Variants in NELFE observed in about 807,000 individuals in gnomAD.
NELFE encodes negative elongation factor E.
Under a neutral mutation model 55.5 loss-of-function variants are expected in NELFE, and 26 were observed. That is an observed-to-expected ratio of 0.47 (90% CI 0.34 to 0.65). The LOEUF (loss-of-function observed/expected upper bound fraction) is 0.65. Ranked by LOEUF, NELFE falls within the 30% of genes least tolerant of loss-of-function variation. The pLI is 0.01. For synonymous variants in NELFE, 162 were observed against 178.0 expected (o/e 0.91, Z 0.72); for missense variants, 403 against 506.9 (o/e 0.80, Z 1.97).
chr6:31,957,549 C>G (rs1772164666), intron 2 of NELFE: 7 of 438,546 alleles, frequency 1.6e-5, no homozygotes, highest in South Asian at 1.1e-4. Flanking sequence ...TAGGCCCTCT[C>G]CCGTATCTCT....
chr6:31,957,253 C>T, intron 2 of NELFE: 2 of 609,658 alleles, frequency 3.3e-6, no homozygotes, highest in South Asian at 3.8e-5. Context: ...AAGTTGAAGA[C>T]AAATAACTCA....
At chr6:31,957,131 A>ACT in intron 2 of NELFE, 121 bp from the exon 3 acceptor site, 4 of 839,190 alleles carry the variant, frequency 4.8e-6, no homozygotes, top group Non-Finnish European at 5.7e-6. Context: ...AGAGTGGTAC[A>ACT]CTGATGTGCT....
At chr6:31,958,627 A>T (rs1418713025) in intron 1 of NELFE, 173 bp from the exon 2 acceptor site, 1 of 707,348 alleles carries the variant, frequency 1.4e-6, no homozygotes, top group Admixed American at 2.0e-5. Flanking sequence ...GGTCGGGATC[A>T]TCCAGCATTC....
intron 2 of NELFE, among the ~76,000 whole-genome samples, chr6:31,957,717 G>A (rs1455241521): frequency 6.6e-6 from 1 of 152,138 alleles, no homozygotes; most frequent in Non-Finnish European, 1.5e-5. Flanking sequence ...CTTTTTTATA[G>A]ACAATGTGAA....
chr6:31,955,765 G>T (rs1582153255), intron 4 of NELFE, among the ~76,000 whole-genome samples: 1 of 147,632 alleles, frequency 6.8e-6, no homozygotes, highest in African/African-American at 2.6e-5. Context: ...ACCTGCCATT[G>T]TGGCTTGTTT....
In NELFE at chr6:31,954,531, T is replaced by G. The variant is rs1562639289; in HGVS notation, c.742+24A>C. 1 of 1,593,122 alleles carries G rather than the reference T, an allele frequency of 6.3e-7. No homozygotes were observed. The highest frequency in any genetic ancestry group is 1.7e-5 in the Admixed American group (1 of 59,160). On this transcript the variant is annotated intron_variant, in intron 7 of 10. Coordinates refer to ENST00000375429, the MANE Select transcript of NELFE (RefSeq NM_002904.6). This position sits in a 1 kb window ranked among gnomAD's most constrained non-coding sequence, Gnocchi z 5.5. ...ACATAAACCTCAGTTAAGGTCACCT[T>G]GACCTCCAGCCAAAATCACTCACTG...
Position 31,958,887 on chromosome 6 carries a change from C to A in NELFE, c.-9+5G>T. ...GGCCGAAGAGTGAGAAGCAGAGGGC[C>A]TTACCCGAGGGGGCGGCAACCGGGG... On this transcript the variant is annotated splice_donor_5th_base_variant and intron_variant, in intron 1 of 10. Coordinates refer to ENST00000375429, the MANE Select transcript of NELFE (RefSeq NM_002904.6). 1.3e-5 allele frequency: 8 copies of A among 596,800 alleles called. No homozygotes were observed. 37.0% of individuals were successfully genotyped at this position (596,800 alleles called of 1,614,324 possible). A position where few individuals can be genotyped will look rare whatever the true frequency, so the allele number is the denominator to read the frequency against.
At chr6:31,953,946 T>C in intron 9 of NELFE, 115 bp from the exon 10 acceptor site, 1 of 1,328,946 alleles carries the variant, frequency 7.5e-7, no homozygotes, top group Non-Finnish European at 1.1e-6. Flanking sequence ...TCTGAGAATG[T>C]GAGTTTTTCT....
intron 2 of NELFE, 137 bp downstream of exon 2, chr6:31,958,235 C>G (rs1439228520): frequency 5.1e-6 from 4 of 780,420 alleles, no homozygotes; most frequent in Non-Finnish European, 9.0e-6. Context: ...AAGCCCACCT[C>G]TCGAAGCTAC....
Position 31,954,936 on chromosome 6 carries a change from T to TC in NELFE, c.405-45dup. 6.3e-7 allele frequency: 1 copy of TC among 1,590,178 alleles called. No individual in the cohort carries two copies. The highest frequency in any genetic ancestry group is 1.1e-5 in the South Asian group (1 of 88,744). On this transcript the variant is annotated intron_variant, in intron 6 of 10. Coordinates refer to ENST00000375429, the MANE Select transcript of NELFE (RefSeq NM_002904.6). This position sits in a 1 kb window ranked among gnomAD's most constrained non-coding sequence, Gnocchi z 5.5. ...AAGATCAAAGGGGGGTTTTACCTTC[T>TC]CCCCTCAGACCCTGTGGAGACTCAA... is the stretch of plus-strand genomic sequence containing the variant.
rs1772214554 is a variant in NELFE, at chr6:31,958,263, C to T, written c.75+109G>A. 4 of 968,450 alleles carry T rather than the reference C, an allele frequency of 4.1e-6. No individual in the cohort carries two copies. In the Admixed American group the frequency reaches 5.1e-5, roughly 12 times the overall value. The allele number at this position is 968,450 out of a possible 1,614,324, so 60.0% of individuals were successfully genotyped here. On this transcript the variant is annotated intron_variant, in intron 2 of 10. Coordinates refer to ENST00000375429, the MANE Select transcript of NELFE (RefSeq NM_002904.6). ...GAAGCTACACTGTGAGGTGATATGTCTCTAGGTATGGGCCAGAAAAACTTC... is the reference window on the plus strand; with the variant it reads ...GAAGCTACACTGTGAGGTGATATGTTTCTAGGTATGGGCCAGAAAAACTTC...
Position 31,954,625 on chromosome 6 carries a change from T to TCGATCC in NELFE, c.666_671dup (p.Asp227_Arg228dup), listed in dbSNP as rs202172278. The TCGATCC allele has an allele frequency of 1.9e-5, 31 of 1,607,384 alleles. No homozygotes were observed. The highest frequency in any genetic ancestry group is 1.0e-4 in the Admixed American group (6 of 59,452). On this transcript the variant is annotated inframe_insertion, in exon 7 of 11. Transcript: ENST00000375429. This position sits in a 1 kb window ranked among gnomAD's most constrained non-coding sequence, Gnocchi z 5.5. ...CCCTGTCCCGTTCCCGGTCTCGATC[T>TCGATCC]CGATCCCGATCCCGATCCCTGTCCC...
Position 31,954,340 on chromosome 6 carries a change from G to T in NELFE, c.845C>A (p.Pro282His). 5 of 1,613,558 alleles carry T rather than the reference G, an allele frequency of 3.1e-6. No individual in the cohort carries two copies. Among genetic ancestry groups the T allele is most frequent in the Non-Finnish European group, 4.2e-6 (5 of 1,179,758 alleles). ...GGAGAGGTCAATGATGTTTCCAAAA[G>T]GAGAGAAGGCCCCACGGAGAAGGGT... is the stretch of plus-strand genomic sequence containing the variant. ...TPTLLRGAFS[P>H]FGNIIDLSMD... The change falls in exon 8 of 11, where the codon CCT (proline) becomes CAT (histidine). Residue 282 changes from proline to histidine, a missense_variant. By Grantham distance (77) the Pro-to-His change is moderately conservative. Transcript: ENST00000375429. The surrounding 1 kb of genome is among the most constrained non-coding windows in gnomAD (Gnocchi z 5.5).
rs767491955 is a variant in NELFE at position 31,955,054 on chromosome 6, C to G, written c.404+5G>C. 5.6e-6 allele frequency: 9 copies of G among 1,613,124 alleles called. No individual in the cohort carries two copies. The South Asian group carries it at 9.9e-5, about 18-fold the overall frequency. ...ATGGGCCCAGCCTTATCTCTACTCT[C>G]TAACCTCTCATACAGAGATTTCCTC... On this transcript the variant is annotated splice_donor_5th_base_variant and intron_variant, in intron 6 of 10. Transcript: ENST00000375429.
chr6:31,952,120 G>A lies in NELFE; in HGVS notation c.*181C>T. On this transcript the variant is annotated 3_prime_UTR_variant, in exon 11 of 11. Coordinates refer to ENST00000375429, the MANE Select transcript of NELFE (RefSeq NM_002904.6). Reference sequence around the variant, plus strand: ...AGATCCTTTTGGGGCAAGGGAGTGGGGAACAGGCACTGGCCATGTTGTTAC... The same window carrying A: ...AGATCCTTTTGGGGCAAGGGAGTGGAGAACAGGCACTGGCCATGTTGTTAC... 2 of 1,562,734 alleles carry A rather than the reference G, an allele frequency of 1.3e-6. No homozygotes were observed. Among genetic ancestry groups the A allele is most frequent in the Non-Finnish European group, 1.8e-6 (2 of 1,138,586 alleles).
chr6:31,954,010 T>A lies in NELFE; in HGVS notation c.942+70A>T, dbSNP rs1472570182. On this transcript the variant is annotated intron_variant, in intron 9 of 10. Transcript: ENST00000375429. This position sits in a 1 kb window ranked among gnomAD's most constrained non-coding sequence, Gnocchi z 5.5. Reference sequence around the variant, plus strand: ...AAGAGGAACCAACTTCTTCCTGGCATCTAGTATTTTGAGGAGAACACATGA... The same window carrying A: ...AAGAGGAACCAACTTCTTCCTGGCAACTAGTATTTTGAGGAGAACACATGA... 3 of 1,533,416 alleles carry A rather than the reference T, an allele frequency of 2.0e-6. No individual in the cohort carries two copies. The African/African-American group carries it at 4.1e-5, about 21-fold the overall frequency. 95.0% of individuals were successfully genotyped at this position (1,533,416 alleles called of 1,614,324 possible). A position where few individuals can be genotyped will look rare whatever the true frequency, so the allele number is the denominator to read the frequency against.
chr6:31,955,113 G>A lies in NELFE; in HGVS notation c.367-17C>T. On this transcript the variant is annotated splice_polypyrimidine_tract_variant and intron_variant, in intron 5 of 10. Transcript: ENST00000375429. ...TCTGGATGACTGTAAAAGAGACCAA[G>A]AACAGTTAAGATGATTTCCAGTTGC... is the stretch of plus-strand genomic sequence containing the variant. 1.9e-6 allele frequency: 3 copies of A among 1,613,004 alleles called. No individual in the cohort carries two copies. Among genetic ancestry groups the A allele is most frequent in the Non-Finnish European group, 2.5e-6 (3 of 1,179,968 alleles).
intron 10 of NELFE, 64 bp from the exon 11 acceptor site, chr6:31,952,462 A>C: frequency 8.4e-7 from 1 of 1,191,102 alleles, no homozygotes; most frequent in East Asian, 2.4e-5. Flanking sequence ...CCTGAGGCTG[A>C]CTCCTGACCA....
At position 31,954,728 on chromosome 6, in the gene NELFE, C is replaced by T. The variant is rs960678583; in HGVS notation, c.569G>A (p.Arg190His). 1.2e-5 allele frequency: 19 copies of T among 1,613,754 alleles called. No homozygotes were observed. The African/African-American group carries it at 1.6e-4, about 14-fold the overall frequency. Residue 190 changes from arginine (R) to histidine (H), a missense_variant, in exon 7 of 11, where the codon CGC (arginine) becomes CAC (histidine). By Grantham distance (29) the Arg-to-His change is conservative. Coordinates refer to ENST00000375429, the MANE Select transcript of NELFE (RefSeq NM_002904.6). This position sits in a 1 kb window ranked among gnomAD's most constrained non-coding sequence, Gnocchi z 5.5. ...TCTGTCCCGGTTCCTCTCATGGCTG[C>T]GGTCCCGGCTGCGGCTTCGGGGAGG... ...ASPPRSRSRD[R>H]SHERNRDRDR...
Sources: gnomAD v4.1 joint callset for allele counts (sites outside exome capture counted in the v4.1 genomes callset) on GRCh38, gnomAD v4.1.1 for gene constraint, Gnocchi (gnomAD v3.1) non-coding constraint, MANE v1.5 for transcripts, NCBI Gene and HGNC (gene_info 2026-07-23, HGNC 2026-07-21) for gene names.